NXPE3: variants seen among roughly 807,000 people sequenced by gnomAD.
The protein encoded by NXPE3 is neurexophilin and PC-esterase domain family member 3.
A neutral mutation model predicts 46.1 loss-of-function variants in NXPE3; 26 were observed. The ratio of observed to expected loss-of-function variants is 0.56; its 90% confidence interval spans 0.41 to 0.78. The LOEUF is 0.78. NXPE3 is among the 30% of genes least tolerant of loss of function. The pLI, the probability that NXPE3 is intolerant of heterozygous loss-of-function variation, is 0.00. For synonymous variants in NXPE3, 272 were observed against 257.9 expected, an observed-to-expected ratio of 1.05 and a Z score of -0.52; for missense variants, 620 against 686.0, an observed-to-expected ratio of 0.90 and a Z score of 1.07.
chr3:101,784,233 A>C (rs544356890), intron 3 of NXPE3, among the ~76,000 whole-genome samples: 27 of 152,320 alleles, frequency 1.8e-4, no homozygotes, highest in Middle Eastern at 3.4e-3. Flanking sequence ...AAAAAAATAC[A>C]GTCATAATTG....
At chr3:101,802,124 G>T in intron 5 of NXPE3, 135 bp downstream of exon 5, 2 of 682,538 alleles carry the variant, frequency 2.9e-6, no homozygotes, top group Admixed American at 2.9e-5. Context: ...AAGAGGTAGT[G>T]AATAAAAAAA....
At chr3:101,816,311 T>A (rs1158355290) in intron 6 of NXPE3, among the ~76,000 whole-genome samples, 1 of 152,018 alleles carries the variant, frequency 6.6e-6, no homozygotes, top group Admixed American at 6.6e-5. Flanking sequence ...CTGGGATACA[T>A]GTGCAGAATG....
chr3:101,818,739 ATATATATATATATATTTTTTTTTTTT>A (rs1481973656), intron 7 of NXPE3, among the ~76,000 whole-genome samples: 694 of 29,012 alleles, frequency 0.024, 17 homozygotes, highest in African/African-American at 0.077. Context: ...ATATATATAT[ATATATATATATATATTTTTTTTTTTT>A]TTTTTTTTTT....
At position 101,827,605 on chromosome 3, in the gene NXPE3, TG is replaced by T. The variant is rs1942551825; in HGVS notation, c.*5652del. Among the ~76,000 whole-genome samples the T allele has an allele frequency of 6.6e-6, 1 of 152,216 alleles. No individual in the cohort carries two copies. The highest frequency in any genetic ancestry group is 1.5e-5 in the Non-Finnish European group (1 of 68,038). On this transcript the variant is annotated 3_prime_UTR_variant, in exon 8 of 8. Coordinates refer to ENST00000273347, the MANE Select transcript of NXPE3 (RefSeq NM_145037.4). The stretch of plus-strand genomic sequence containing the variant: ...GAATCTAATGAGAAGGCAACTCTAA[TG>T]CCCATCAGGAGATTCACTAGGACAT...
chr3:101,787,562 T>G (rs1940265153), intron 4 of NXPE3, among the ~76,000 whole-genome samples: 1 of 152,234 alleles, frequency 6.6e-6, no homozygotes, highest in African/African-American at 2.4e-5. Flanking sequence ...CACCTTGGCC[T>G]TCCAAAGTGC....
intron 7 of NXPE3, among the ~76,000 whole-genome samples, chr3:101,820,763 AAC>A (rs1225283510): frequency 6.6e-6 from 1 of 152,212 alleles, no homozygotes; most frequent in Non-Finnish European, 1.5e-5. Context: ...TTAGCAAACT[AAC>A]ACAGGAACAG....
chr3:101,818,004 C>T (rs1179767184), intron 7 of NXPE3, among the ~76,000 whole-genome samples: 2 of 152,160 alleles, frequency 1.3e-5, no homozygotes, highest in Non-Finnish European at 2.9e-5. Flanking sequence ...GATCCTCCCA[C>T]CTCAGCCTCC....
chr3:101,812,540 G>T (rs565350761), intron 6 of NXPE3, among the ~76,000 whole-genome samples: 1 of 152,076 alleles, frequency 6.6e-6, no homozygotes, highest in East Asian at 1.9e-4. Context: ...ACGGCCGGGC[G>T]CAGTGGCTCA....
At chr3:101,788,364 A>C (rs1250568575) in intron 4 of NXPE3, among the ~76,000 whole-genome samples, 1 of 152,134 alleles carries the variant, frequency 6.6e-6, no homozygotes, top group East Asian at 1.9e-4. Flanking sequence ...CTGATACATA[A>C]AAATTTTTAC....
In NXPE3 at chr3:101,801,439, A is replaced by G. The variant is rs767725497; in HGVS notation, c.298A>G (p.Ser100Gly). The change falls in exon 5 of 8, where the codon AGC (serine) becomes GGC (glycine). Residue 100 changes from serine to glycine, a missense_variant. Transcript: ENST00000273347. ...TGTGGGCCCAGTCCCCTTTGTGAAG[A>G]GCACTGACCCTTCTTCCAGCTACTT... Reference protein sequence around the residue: ...PDVGPVPFVKSTDPSSSYFVI... With the variant: ...PDVGPVPFVKGTDPSSSYFVI... The G allele has an allele frequency of 5.6e-6, 9 of 1,614,016 alleles. No individual in the cohort carries two copies. In the African/African-American group the frequency reaches 1.2e-4, roughly 22 times the overall value.
intron 3 of NXPE3, among the ~76,000 whole-genome samples, chr3:101,783,709 A>G (rs1160485774): frequency 6.6e-6 from 1 of 152,150 alleles, no homozygotes; most frequent in Non-Finnish European, 1.5e-5. Flanking sequence ...TGGTGCAACT[A>G]AATTCCTGTG....
At chr3:101,802,724 A>G (rs922681277) in intron 5 of NXPE3, among the ~76,000 whole-genome samples, 3 of 151,976 alleles carry the variant, frequency 2.0e-5, no homozygotes, top group East Asian at 3.8e-4. Context: ...TCAAATTTCT[A>G]TTTCAAATGT....
At position 101,784,717 on chromosome 3, in the gene NXPE3, G is replaced by A. The variant is rs977079065; in HGVS notation, c.-195-685G>A. On this transcript the variant is annotated intron_variant, in intron 3 of 7. Coordinates refer to ENST00000273347, the MANE Select transcript of NXPE3 (RefSeq NM_145037.4). ...GGCACTGCTGACTCTGAAGTCCTCT[G>A]CCTCTAGCAGGTGTGATGAAGGATT... Among the ~76,000 whole-genome samples, 4 of 152,196 alleles carry A rather than the reference G, an allele frequency of 2.6e-5. No homozygotes were observed. In the East Asian group the frequency reaches 7.7e-4, roughly 29 times the overall value.
chr3:101,802,931 C>T (rs1373035742), intron 5 of NXPE3, among the ~76,000 whole-genome samples: 1 of 152,086 alleles, frequency 6.6e-6, no homozygotes, highest in Non-Finnish European at 1.5e-5. Context: ...AGTCCCAGCA[C>T]TTTGGGAGGC....
intron 3 of NXPE3, among the ~76,000 whole-genome samples, chr3:101,783,717 G>C (rs993714498): frequency 5.3e-5 from 8 of 152,160 alleles, no homozygotes; most frequent in Non-Finnish European, 1.0e-4. Context: ...CTAAATTCCT[G>C]TGGACTACCA....
chr3:101,818,715 T>TTATATATATATATATATATATATATA, intron 7 of NXPE3, among the ~76,000 whole-genome samples: 1 of 38,030 alleles, frequency 2.6e-5, no homozygotes, highest in Non-Finnish European at 4.3e-5. Context: ...ATATGACAAT[T>TTATATATATATATATATATATATATA]TATATATATA....
chr3:101,790,940 T>G (rs1192580914), intron 4 of NXPE3, among the ~76,000 whole-genome samples: 2 of 152,226 alleles, frequency 1.3e-5, no homozygotes, highest in Non-Finnish European at 1.5e-5. Flanking sequence ...ATTTATTTAT[T>G]GAATTGTATT....
chr3:101,786,910 A>C (rs545132877), intron 4 of NXPE3, among the ~76,000 whole-genome samples: 2 of 152,250 alleles, frequency 1.3e-5, no homozygotes, highest in East Asian at 3.9e-4. Context: ...CCCAAACTGC[A>C]GCTCTTTACC....
At chr3:101,799,051 C>T (rs1218117764) in intron 4 of NXPE3, among the ~76,000 whole-genome samples, 1 of 152,148 alleles carries the variant, frequency 6.6e-6, no homozygotes, top group Non-Finnish European at 1.5e-5. Flanking sequence ...CTTCCCAGCT[C>T]AGCCTTCCGT....
Sources: allele counts gnomAD v4.1 joint callset (sites outside exome capture counted in the v4.1 genomes callset), GRCh38; gene constraint gnomAD v4.1.1; transcripts MANE v1.5; gene names NCBI Gene and HGNC (gene_info 2026-07-23, HGNC 2026-07-21).